The following KCNMA1 variants were observed in gnomAD, a reference collection of about 807,000 sequenced individuals.
KCNMA1 encodes Calcium-activated potassium channel subunit alpha-1.
Under a neutral mutation model 140.0 loss-of-function variants are expected in KCNMA1, and 29 were observed. That is an observed-to-expected ratio of 0.21 (90% CI 0.15 to 0.28). KCNMA1 has a LOEUF of 0.28. Among genes scored for constraint, KCNMA1 ranks in the 10% least tolerant of loss-of-function variants. The pLI is 1.00. For missense variants in KCNMA1, 880 were observed against 1,602.2 expected, an observed-to-expected ratio of 0.55 and a Z score of 7.70; for synonymous variants, 612 against 611.9, an observed-to-expected ratio of 1.00 and a Z score of 0.00.
intron 1 of KCNMA1, among the ~76,000 whole-genome samples, chr10:77,413,207 C>T (rs992113199): frequency 2.6e-5 from 4 of 152,086 alleles, no homozygotes; most frequent in Non-Finnish European, 5.9e-5. Context: ...ATAACTATGA[C>T]ATCCTGTGGC....
intron 9 of KCNMA1, chr10:77,091,584 G>A (rs2574789): frequency 0.96 from 145,815 of 152,344 alleles, 70,150 homozygotes; most frequent in Non-Finnish European, 1. Context: ...CAAGAGGCTC[G>A]ACTCCTGTCC....
chr10:77,375,834 T>C, intron 2 of KCNMA1, among the ~76,000 whole-genome samples: 1 of 152,158 alleles, frequency 6.6e-6, no homozygotes, highest in East Asian at 1.9e-4. Flanking sequence ...ATCCCAGCAC[T>C]CATTCCAGCA....
intron 12 of KCNMA1, among the ~76,000 whole-genome samples, chr10:77,083,089 G>A (rs772606432): frequency 7.2e-5 from 11 of 152,168 alleles, no homozygotes; most frequent in Admixed American, 4.6e-4. Flanking sequence ...GCCACCGGTA[G>A]AGGGGGAACC....
intron 1 of KCNMA1, among the ~76,000 whole-genome samples, chr10:77,415,205 C>T (rs1037510474): frequency 1.8e-4 from 27 of 152,194 alleles, no homozygotes; most frequent in Admixed American, 1.8e-3. Flanking sequence ...GTAAGGCAAC[C>T]TCCAAACTTT....
chr10:77,600,486 T>A (rs1424661592), intron 1 of KCNMA1, among the ~76,000 whole-genome samples: 4 of 152,170 alleles, frequency 2.6e-5, no homozygotes, highest in Admixed American at 6.5e-5. Flanking sequence ...CAGTGGCTTA[T>A]GCCTATAATT....
At chr10:77,497,671 T>G (rs2042436746) in intron 1 of KCNMA1, among the ~76,000 whole-genome samples, 1 of 152,230 alleles carries the variant, frequency 6.6e-6, no homozygotes, top group Non-Finnish European at 1.5e-5. Context: ...CCAGGACAGA[T>G]GCTATCACAG....
intron 3 of KCNMA1, among the ~76,000 whole-genome samples, chr10:77,213,688 T>A (rs1415153761): frequency 6.6e-6 from 1 of 152,102 alleles, no homozygotes; most frequent in Non-Finnish European, 1.5e-5. Flanking sequence ...CCACCAGAAG[T>A]GCTGGCCTCC....
intron 1 of KCNMA1, among the ~76,000 whole-genome samples, chr10:77,539,356 G>A (rs944860827): frequency 3.9e-5 from 6 of 152,278 alleles, no homozygotes; most frequent in South Asian, 2.1e-4. Context: ...TCCCAACAAC[G>A]TATCCACTAA....
chr10:77,249,251 G>A (rs2059234161), intron 3 of KCNMA1, among the ~76,000 whole-genome samples: 1 of 152,274 alleles, frequency 6.6e-6, no homozygotes, highest in Non-Finnish European at 1.5e-5. Context: ...TCTTCGCCAA[G>A]GCCTAGAAGG....
chr10:77,281,218 A>C (rs1336968933), intron 2 of KCNMA1, among the ~76,000 whole-genome samples: 2 of 152,214 alleles, frequency 1.3e-5, no homozygotes, highest in African/African-American at 4.8e-5. Flanking sequence ...AGCCCTGGCA[A>C]GTGCCACAGA....
chr10:77,087,922 T>C (rs1021843641), intron 10 of KCNMA1, among the ~76,000 whole-genome samples: 2 of 151,764 alleles, frequency 1.3e-5, no homozygotes, highest in Admixed American at 6.6e-5. Context: ...AAATAAATAA[T>C]AGTAAAATAG....
At chr10:77,159,831 T>G (rs563202074) in intron 5 of KCNMA1, among the ~76,000 whole-genome samples, 2 of 152,314 alleles carry the variant, frequency 1.3e-5, no homozygotes, top group African/African-American at 4.8e-5. Flanking sequence ...AATTCTTTAC[T>G]TACTTCCTTC....
chr10:77,290,230 C>A (rs903099359), intron 2 of KCNMA1, among the ~76,000 whole-genome samples: 6 of 152,150 alleles, frequency 3.9e-5, no homozygotes, highest in African/African-American at 1.4e-4. Context: ...GATGACTTTT[C>A]TTCATATTTC....
chr10:77,135,030 G>GAAGA (rs934817036), intron 5 of KCNMA1, among the ~76,000 whole-genome samples: 1 of 58,230 alleles, frequency 1.7e-5, no homozygotes, highest in East Asian at 4.8e-4. Context: ...AAAAAAAAAG[G>GAAGA]AAGAAAGAAT....
In KCNMA1 at chr10:77,183,994, G is replaced by A. The variant is rs767615674; in HGVS notation, c.697-462C>T. Among the ~76,000 whole-genome samples the A allele has an allele frequency of 1.3e-5, 2 of 151,898 alleles. 1 individual carries two copies. Among genetic ancestry groups the A allele is most frequent in the South Asian group, 4.2e-4 (2 of 4,816 alleles). ...TCCCAACAGCTTCATAGGGAAGATT[G>A]GGTGATTTTACTTGTATTAGACTCA... On this transcript the variant is annotated intron_variant, in intron 4 of 27. Transcript: ENST00000286628.
intron 27 of KCNMA1, among the ~76,000 whole-genome samples, chr10:76,888,871 C>G (rs1315938042): frequency 6.6e-6 from 1 of 151,992 alleles, no homozygotes; most frequent in African/African-American, 2.4e-5. Context: ...TCGAGACCAG[C>G]CTGGCCAACA....
intron 12 of KCNMA1, among the ~76,000 whole-genome samples, chr10:77,080,214 C>T (rs2096529799): frequency 6.6e-6 from 1 of 152,216 alleles, no homozygotes; most frequent in Admixed American, 6.5e-5. Context: ...TACCCCTTCC[C>T]TAGAAATTTT....
At chr10:77,603,067 T>A (rs1274641531) in intron 1 of KCNMA1, among the ~76,000 whole-genome samples, 1 of 151,684 alleles carries the variant, frequency 6.6e-6, no homozygotes, top group Non-Finnish European at 1.5e-5. Context: ...CAAGGAAGAG[T>A]ACAGTCTGGG....
rs1483245115 is a variant in KCNMA1 at position 77,387,597 on chromosome 10, CTTTTCTTTTCTTTCT to C, written c.540+16250_540+16264del. Among the ~76,000 whole-genome samples, 17 of 140,724 alleles carry C rather than the reference CTTTTCTTTTCTTTCT, an allele frequency of 1.2e-4. 2 individuals are homozygous for C. The highest frequency in any genetic ancestry group is 1.3e-4 in the African/African-American group (5 of 37,318). 92.3% of individuals were successfully genotyped at this position (140,724 alleles called of 152,430 possible). ...TTTTTTTTCTTTTCTCTTTTCTTTT[CTTTTCTTTTCTTTCT>C]TTTCTTTTCTTTTCTTTTCTTTTTA... On this transcript the variant is annotated intron_variant, in intron 2 of 27. Transcript: ENST00000286628.
Sources: allele counts gnomAD v4.1 joint callset (sites outside exome capture counted in the v4.1 genomes callset), GRCh38; gene constraint gnomAD v4.1.1; transcripts MANE v1.5; gene names NCBI Gene and HGNC (gene_info 2026-07-23, HGNC 2026-07-21).